Variants in IP6K2 observed in about 807,000 individuals in gnomAD.
IP6K2 encodes ATP:1D-myo-inositol-hexakisphosphate phosphotransferase.
In IP6K2, 9 loss-of-function variants were observed where a neutral mutation model predicts 43.3. The ratio of observed to expected loss-of-function variants is 0.21; its 90% CI spans 0.13 to 0.36. IP6K2 has a LOEUF of 0.36. Ranked by LOEUF, IP6K2 falls within the 10% of genes least tolerant of loss-of-function variation. The probability of loss-of-function intolerance (pLI) is 1.00; values close to 1 mark genes in which losing one functional copy is unlikely to be tolerated. For missense variants in IP6K2, 332 were observed against 538.4 expected, an observed-to-expected ratio of 0.62 and a Z score of 3.79; for synonymous variants, 209 against 202.4, an observed-to-expected ratio of 1.03 and a Z score of -0.28.
At position 48,695,613 on chromosome 3, in the gene IP6K2, G is replaced by A. The variant is rs886655024; in HGVS notation, c.-130-192C>T. 2.1e-5 allele frequency: 13 copies of A among 623,638 alleles called. No individual in the cohort carries two copies. The highest frequency in any genetic ancestry group is 1.5e-4 in the South Asian group (2 of 12,942). The allele number at this position is 623,638 out of a possible 1,614,324, so 38.6% of individuals were successfully genotyped here. ...CAAAAACACTATGAGCTCATGGGGCGGGGTTAGATGCAGACAGGCAGGGAA... is the reference window on the plus strand; with the variant it reads ...CAAAAACACTATGAGCTCATGGGGCAGGGTTAGATGCAGACAGGCAGGGAA... On this transcript the variant is annotated intron_variant, in intron 1 of 5. Transcript: ENST00000328631. This position sits in a 1 kb window ranked among gnomAD's most constrained non-coding sequence, Gnocchi z 4.6.
At chr3:48,708,162 T>C (rs1159297004) in intron 1 of IP6K2, 2 of 152,056 alleles carry the variant, frequency 1.3e-5, no homozygotes, top group Admixed American at 6.6e-5. Context: ...GAAGGGTCAC[T>C]GGAGCCTGGG....
intron 1 of IP6K2, chr3:48,711,422 A>G (rs2080501808): frequency 6.6e-6 from 1 of 152,288 alleles, no homozygotes; most frequent in African/African-American, 2.4e-5. Flanking sequence ...CCAAAGGCCC[A>G]GCAGAGAATC....
chr3:48,697,341 G>GT (rs111530965), intron 1 of IP6K2, among the ~76,000 whole-genome samples: 179 of 140,360 alleles, frequency 1.3e-3, no homozygotes, highest in Non-Finnish European at 1.4e-3. Context: ...ATTTTGTTTT[G>GT]TTTTTTTTTT....
intron 4 of IP6K2, 30 bp downstream of exon 4, chr3:48,691,277 A>C: frequency 6.3e-7 from 1 of 1,578,224 alleles, no homozygotes; most frequent in Non-Finnish European, 8.6e-7. Flanking sequence ...CTTACCCTCA[A>C]ATGCAGAGAT....
intron 1 of IP6K2, among the ~76,000 whole-genome samples, chr3:48,698,966 T>C (rs1379127474): frequency 6.6e-6 from 1 of 151,844 alleles, no homozygotes; most frequent in Non-Finnish European, 1.5e-5. Context: ...CTAACAACAA[T>C]GCAAATCCCT....
intron 4 of IP6K2, 72 bp downstream of exon 4, chr3:48,691,235 A>C: frequency 7.7e-7 from 1 of 1,302,096 alleles, no homozygotes; most frequent in Admixed American, 2.2e-5. Context: ...TTCTCTCTCC[A>C]AGCTCCAAGG....
chr3:48,713,962 C>T (rs1048260991), intron 1 of IP6K2, among the ~76,000 whole-genome samples: 1 of 151,308 alleles, frequency 6.6e-6, no homozygotes, highest in Non-Finnish European at 1.5e-5. Context: ...ACTAAAAATA[C>T]AAAAATTAGC....
intron 2 of IP6K2, chr3:48,694,065 C>T: frequency 2.1e-6 from 3 of 1,461,720 alleles, no homozygotes; most frequent in Non-Finnish European, 2.7e-6. Flanking sequence ...TCCTCGACTG[C>T]TGCAGGGGAA....
At chr3:48,702,270 T>C (rs1378488532) in intron 1 of IP6K2, among the ~76,000 whole-genome samples, 1 of 152,042 alleles carries the variant, frequency 6.6e-6, no homozygotes, top group Non-Finnish European at 1.5e-5. Context: ...GGAAAAAATA[T>C]CAACATCAAA....
Position 48,695,863 on chromosome 3 carries a change from AATAT to A in IP6K2, c.-130-446_-130-443del, listed in dbSNP as rs200374251. On this transcript the variant is annotated intron_variant, in intron 1 of 5. Coordinates refer to ENST00000328631, the MANE Select transcript of IP6K2 (RefSeq NM_016291.4). The surrounding 1 kb of genome is among the most constrained non-coding windows in gnomAD (Gnocchi z 4.6). The stretch of plus-strand genomic sequence containing the variant: ...TAATATATATTATATATATAAAATA[AATAT>A]ATATATATAATTTTTTAATATATAT... 2.7e-5 allele frequency among the ~76,000 whole-genome samples: 4 copies of A among 147,256 alleles called. No individual in the cohort carries two copies. In the Admixed American group the frequency reaches 2.7e-4, roughly 10 times the overall value.
At chr3:48,696,549 C>G (rs941784230) in intron 1 of IP6K2, among the ~76,000 whole-genome samples, 2 of 152,084 alleles carry the variant, frequency 1.3e-5, no homozygotes, top group Admixed American at 1.3e-4. Context: ...CACTGGATGC[C>G]GCATCAACGA....
At chr3:48,704,734 A>C (rs1038897679) in intron 1 of IP6K2, among the ~76,000 whole-genome samples, 2 of 151,980 alleles carry the variant, frequency 1.3e-5, no homozygotes, top group South Asian at 4.2e-4. Context: ...TGGCCTCCCA[A>C]AGTGCTGGGA....
chr3:48,712,815 G>C (rs1044970772), intron 1 of IP6K2, among the ~76,000 whole-genome samples: 1 of 151,916 alleles, frequency 6.6e-6, no homozygotes, highest in Non-Finnish European at 1.5e-5. Context: ...TCAGGAGTTC[G>C]AGACCAGCCT....
chr3:48,700,198 C>T (rs760667176), intron 1 of IP6K2, among the ~76,000 whole-genome samples: 1 of 152,114 alleles, frequency 6.6e-6, no homozygotes, highest in Non-Finnish European at 1.5e-5. Context: ...TCTAGGGTCC[C>T]TCACAGCCCC....
chr3:48,709,025 T>C (rs528823199), intron 1 of IP6K2, among the ~76,000 whole-genome samples: 1 of 152,310 alleles, frequency 6.6e-6, no homozygotes, highest in South Asian at 2.1e-4. Context: ...GCAGAGATTG[T>C]ACCACCATAC....
At chr3:48,709,769 G>A (rs528677649) in intron 1 of IP6K2, among the ~76,000 whole-genome samples, 129 of 151,574 alleles carry the variant, frequency 8.5e-4, no homozygotes, top group Non-Finnish European at 1.4e-3. Context: ...CCTAGGAGGC[G>A]GAGCTTGCAG....
At chr3:48,701,392 C>A (rs969886189) in intron 1 of IP6K2, among the ~76,000 whole-genome samples, 11 of 151,594 alleles carry the variant, frequency 7.3e-5, no homozygotes, top group African/African-American at 2.7e-4. Context: ...CATGGCGAAA[C>A]CCTGTCTCTA....
chr3:48,704,768 G>A (rs977568632), intron 1 of IP6K2, among the ~76,000 whole-genome samples: 5 of 149,440 alleles, frequency 3.3e-5, no homozygotes, highest in African/African-American at 9.8e-5. Context: ...CCACCGCACC[G>A]GGCCGTTTAT....
intron 1 of IP6K2, among the ~76,000 whole-genome samples, chr3:48,705,406 C>T (rs1019019604): frequency 2.0e-5 from 3 of 151,408 alleles, no homozygotes; most frequent in African/African-American, 4.8e-5. Context: ...GGGCCGGGCG[C>T]GGTGGCTCAC....
Sources: allele counts gnomAD v4.1 joint callset (sites outside exome capture counted in the v4.1 genomes callset), GRCh38; gene constraint gnomAD v4.1.1; non-coding constraint Gnocchi (gnomAD v3.1); transcripts MANE v1.5; gene names NCBI Gene and HGNC (gene_info 2026-07-23, HGNC 2026-07-21).